EYS: variants seen among roughly 807,000 people sequenced by gnomAD.
EYS encodes protein eyes shut homolog.
Under a neutral mutation model 282.1 loss-of-function variants are expected in EYS, and 250 were observed. That is an observed-to-expected ratio of 0.89 (90% CI 0.80 to 0.98). The LOEUF (loss-of-function observed/expected upper bound fraction) is 0.98, where lower values mean the gene tolerates loss of function less well. Ranked by LOEUF, EYS falls within the 50% of genes least tolerant of loss-of-function variation. The probability of loss-of-function intolerance (pLI) is 0.00; values close to 1 mark genes in which losing one functional copy is unlikely to be tolerated. For synonymous variants in EYS, 1,355 were observed against 1,282.9 expected, an observed-to-expected ratio of 1.06 and a Z score of -1.20; for missense variants, 4,016 against 3,709.0, an observed-to-expected ratio of 1.08 and a Z score of -2.15.
intron 33 of EYS, among the ~76,000 whole-genome samples, chr6:64,055,709 G>C (rs753053285): frequency 6.6e-6 from 1 of 152,152 alleles, no homozygotes; most frequent in Non-Finnish European, 1.5e-5. Flanking sequence ...GTTTTGGTAT[G>C]ATGAGTATTT....
At chr6:65,693,778 G>A (rs1769334818) in intron 1 of EYS, among the ~76,000 whole-genome samples, 1 of 149,924 alleles carries the variant, frequency 6.7e-6, no homozygotes, top group African/African-American at 2.4e-5. Flanking sequence ...AATGAGATAT[G>A]GAAGATCCTA....
intron 29 of EYS, among the ~76,000 whole-genome samples, chr6:64,385,369 A>C (rs1405105605): frequency 6.6e-6 from 1 of 152,192 alleles, no homozygotes; most frequent in Non-Finnish European, 1.5e-5. Flanking sequence ...TATAAAAAAG[A>C]ATAAAAAATC....
intron 1 of EYS, among the ~76,000 whole-genome samples, chr6:65,676,105 G>A (rs548026200): frequency 1.3e-5 from 2 of 151,786 alleles, no homozygotes; most frequent in South Asian, 2.1e-4. Flanking sequence ...GAACTTCATC[G>A]TGATAAACAC....
chr6:64,148,271 CCTA>C (rs1774587161), intron 31 of EYS, among the ~76,000 whole-genome samples: 1 of 152,006 alleles, frequency 6.6e-6, no homozygotes, highest in South Asian at 2.1e-4. Flanking sequence ...AATTTTGTAT[CCTA>C]CTTTGTATAT....
chr6:65,598,375 A>T (rs1765489001), intron 2 of EYS, among the ~76,000 whole-genome samples: 1 of 151,840 alleles, frequency 6.6e-6, no homozygotes, highest in Admixed American at 6.6e-5. Context: ...ACACAGAGAG[A>T]ATAACTTTAG....
intron 2 of EYS, among the ~76,000 whole-genome samples, chr6:65,620,246 T>C (rs995227172): frequency 2.0e-5 from 3 of 152,224 alleles, no homozygotes; most frequent in Non-Finnish European, 2.9e-5. Flanking sequence ...GTTATTGGTC[T>C]ATTCAGAGAT....
intron 33 of EYS, among the ~76,000 whole-genome samples, chr6:64,053,602 C>T (rs897995387): frequency 2.0e-5 from 3 of 152,058 alleles, no homozygotes; most frequent in African/African-American, 7.2e-5. Flanking sequence ...TAGTAACTCA[C>T]TGGGTGGATA....
At chr6:65,526,080 C>A (rs4710295) in intron 2 of EYS, among the ~76,000 whole-genome samples, 31 of 151,940 alleles carry the variant, frequency 2.0e-4, no homozygotes, top group African/African-American at 7.2e-4. Context: ...GAGCCGTGTC[C>A]TAACTTAGTG....
chr6:64,237,800 A>G (rs1396232275), intron 30 of EYS, among the ~76,000 whole-genome samples: 2 of 152,206 alleles, frequency 1.3e-5, no homozygotes, highest in African/African-American at 4.8e-5. Flanking sequence ...GCAAAGCAAT[A>G]CAGAAAAATG....
rs542109057 is a variant in EYS, at chr6:64,349,639, TAAAGG to T, written c.6078+39046_6078+39050del. On this transcript the variant is annotated intron_variant, in intron 29 of 42. Transcript: ENST00000503581. ...AAAATTCTCCTTTGATTATTAAAAA[TAAAGG>T]AATGTTATTTAAAGTGTTTTTAGTT... Among the ~76,000 whole-genome samples, 1,057 of 151,392 alleles carry T rather than the reference TAAAGG, an allele frequency of 7.0e-3. 8 individuals carry two copies. The highest frequency in any genetic ancestry group is 7.8e-3 in the Non-Finnish European group (525 of 67,500).
intron 22 of EYS, among the ~76,000 whole-genome samples, chr6:64,773,816 T>A (rs919342397): frequency 3.3e-5 from 5 of 152,066 alleles, no homozygotes; most frequent in African/African-American, 1.2e-4. Flanking sequence ...CACTTTGTAA[T>A]GGAGTTGTTT....
intron 11 of EYS, among the ~76,000 whole-genome samples, chr6:65,322,497 T>G (rs1048313183): frequency 1.3e-5 from 2 of 151,720 alleles, no homozygotes; most frequent in African/African-American, 4.8e-5. Flanking sequence ...ACCAGCAGGG[T>G]GTAAGAAGTC....
At chr6:63,923,744 A>G (rs1467674063) in intron 35 of EYS, among the ~76,000 whole-genome samples, 1 of 152,088 alleles carries the variant, frequency 6.6e-6, no homozygotes, top group East Asian at 1.9e-4. Context: ...TCCCCCGTCT[A>G]TGGTCCCCAG....
At chr6:64,171,428 A>T (rs1194205797) in intron 31 of EYS, among the ~76,000 whole-genome samples, 2 of 152,158 alleles carry the variant, frequency 1.3e-5, no homozygotes, top group Non-Finnish European at 2.9e-5. Context: ...AAAATGAATG[A>T]GTTGGTTGAA....
intron 12 of EYS, among the ~76,000 whole-genome samples, chr6:65,152,533 CATCTGCA>C (rs1301391834): frequency 6.6e-6 from 1 of 151,752 alleles, no homozygotes; most frequent in African/African-American, 2.4e-5. Flanking sequence ...AGAGGGTGAC[CATCTGCA>C]ATCCAAGCAG....
intron 12 of EYS, among the ~76,000 whole-genome samples, chr6:65,121,295 A>G (rs1213400659): frequency 6.6e-6 from 1 of 152,166 alleles, no homozygotes; most frequent in African/African-American, 2.4e-5. Context: ...AGAGATGGGG[A>G]TGAAACTTAT....
chr6:64,727,653 T>C (rs1441595790), intron 22 of EYS, among the ~76,000 whole-genome samples: 1 of 152,246 alleles, frequency 6.6e-6, no homozygotes, highest in Non-Finnish European at 1.5e-5. Context: ...AAGGTGAGTC[T>C]TGTTTTTATA....
At position 64,590,468 on chromosome 6, in the gene EYS, G is replaced by C; in HGVS notation, c.5399C>G (p.Pro1800Arg). ...GGAAGACGTCTGTATTGAAAGTGCT[G>C]GAGTTGCTGAAACTGTATAAAATGC... ...NVAFYTVSAT[P>R]ALSIQTSSSM... The change falls in exon 26 of 43, where the codon CCA becomes CGA. Residue 1800 changes from proline (P) to arginine (R), a missense_variant. By Grantham distance (103) the Pro-to-Arg change is moderately radical. Transcript: ENST00000503581. The C allele has an allele frequency of 6.4e-7, 1 of 1,551,348 alleles. No homozygotes were observed. Among genetic ancestry groups the C allele is most frequent in the East Asian group, 2.4e-5 (1 of 40,908 alleles).
At chr6:64,602,176 G>A (rs904249749) in intron 24 of EYS, among the ~76,000 whole-genome samples, 1 of 151,946 alleles carries the variant, frequency 6.6e-6, no homozygotes, top group Non-Finnish European at 1.5e-5. Context: ...CTAGGTAGAA[G>A]CCTATCTCCA....
Sources: allele counts gnomAD v4.1 joint callset (sites outside exome capture counted in the v4.1 genomes callset), GRCh38; gene constraint gnomAD v4.1.1; transcripts MANE v1.5; gene names NCBI Gene and HGNC (gene_info 2026-07-23, HGNC 2026-07-21).